Variants in FILIP1L observed in about 807,000 individuals in gnomAD.
The protein encoded by FILIP1L is filamin A-interacting protein 1-like.
Under a neutral mutation model 96.6 loss-of-function variants are expected in FILIP1L, and 55 were observed. That is an observed-to-expected ratio of 0.57 (90% CI 0.46 to 0.71). The LOEUF (loss-of-function observed/expected upper bound fraction) is 0.71, where lower values mean the gene tolerates loss of function less well. Among genes scored for constraint, FILIP1L ranks in the 30% least tolerant of loss-of-function variants. The pLI, the probability that FILIP1L is intolerant of heterozygous loss-of-function variation, is 0.00. For synonymous variants in FILIP1L, 467 were observed against 473.9 expected (o/e 0.99, Z 0.19); for missense variants, 1,304 against 1,321.2 (o/e 0.99, Z 0.20).
chr3:100,087,729 A>G (rs1192222756), intron 1 of FILIP1L, among the ~76,000 whole-genome samples: 1 of 152,098 alleles, frequency 6.6e-6, no homozygotes, highest in African/African-American at 2.4e-5. Context: ...TTTTTGAAGA[A>G]GACCAATTGA....
chr3:100,091,612 G>A (rs1203494556), intron 1 of FILIP1L, among the ~76,000 whole-genome samples: 2 of 152,184 alleles, frequency 1.3e-5, no homozygotes, highest in East Asian at 1.9e-4. Flanking sequence ...CATTACAAAA[G>A]TATAACTAGC....
intron 1 of FILIP1L, among the ~76,000 whole-genome samples, chr3:99,994,570 T>A (rs1463697254): frequency 6.6e-6 from 1 of 152,098 alleles, no homozygotes; most frequent in African/African-American, 2.4e-5. Context: ...TAGAAATCAA[T>A]ACAAGAGGAA....
intron 1 of FILIP1L, among the ~76,000 whole-genome samples, chr3:100,102,505 T>C (rs1259350570): frequency 6.6e-6 from 1 of 152,224 alleles, no homozygotes; most frequent in Non-Finnish European, 1.5e-5. Context: ...CTCTCTTTTC[T>C]TCAAATTACT....
chr3:99,848,946 A>G lies in FILIP1L; in HGVS notation c.2730T>C (p.His910=), dbSNP rs781244378. The G allele has an allele frequency of 6.8e-6, 11 of 1,614,142 alleles. 1 individual carries two copies. Among genetic ancestry groups the G allele is most frequent in the South Asian group, 4.4e-5 (4 of 91,074 alleles). The part of the protein sequence containing the change: ...QPLHIKVTPD[H]VQNTATLEIT... ...TTTCAAGAGTGGCTGTGTTTTGTAC[A>G]TGGTCTGGAGTAACCTTTATATGAA... is the stretch of plus-strand genomic sequence containing the variant. The change falls in exon 5 of 6, where the codon CAT becomes CAC. Residue 910 remains histidine (H), a synonymous_variant. Coordinates refer to ENST00000477258, the MANE Select transcript of FILIP1L (RefSeq NM_001387850.1).
At chr3:99,940,535 G>T (rs1707820403) in intron 1 of FILIP1L, among the ~76,000 whole-genome samples, 1 of 152,304 alleles carries the variant, frequency 6.6e-6, no homozygotes, top group African/African-American at 2.4e-5. Flanking sequence ...TGTGCCTATG[G>T]TCATGCCCTG....
chr3:100,052,426 A>G (rs1293975229), intron 1 of FILIP1L, among the ~76,000 whole-genome samples: 1 of 152,184 alleles, frequency 6.6e-6, no homozygotes, highest in Non-Finnish European at 1.5e-5. Context: ...GTAGTGGTGT[A>G]TCCGTGTGCA....
chr3:99,943,145 A>G (rs889784000), intron 1 of FILIP1L, among the ~76,000 whole-genome samples: 16 of 152,158 alleles, frequency 1.1e-4, no homozygotes, highest in Admixed American at 3.9e-4. Context: ...ATTTCTGATA[A>G]CAAGAACAGG....
At chr3:99,975,874 C>T (rs1198920581) in intron 1 of FILIP1L, among the ~76,000 whole-genome samples, 1 of 152,126 alleles carries the variant, frequency 6.6e-6, no homozygotes, top group African/African-American at 2.4e-5. Flanking sequence ...AGCAAGCAAA[C>T]AGTAATAAAA....
intron 1 of FILIP1L, among the ~76,000 whole-genome samples, chr3:100,109,418 A>G (rs2066450818): frequency 6.6e-6 from 1 of 152,208 alleles, no homozygotes; most frequent in Non-Finnish European, 1.5e-5. Context: ...AACCACCATT[A>G]TAGTCAAGAC....
chr3:100,098,803 C>T (rs561131150), intron 1 of FILIP1L, among the ~76,000 whole-genome samples: 2 of 152,122 alleles, frequency 1.3e-5, no homozygotes, highest in Non-Finnish European at 2.9e-5. Flanking sequence ...CTTTCTTAAA[C>T]TAGGAAAATA....
chr3:100,103,683 G>A (rs918165050), intron 1 of FILIP1L, among the ~76,000 whole-genome samples: 1 of 152,266 alleles, frequency 6.6e-6, no homozygotes, highest in Admixed American at 6.5e-5. Context: ...GCCATGGAAT[G>A]GTCTCTTCCA....
chr3:99,833,009 T>C, intron 5 of FILIP1L: 1 of 526,766 alleles, frequency 1.9e-6, no homozygotes, highest in East Asian at 3.3e-5. Flanking sequence ...TTGGAATGCA[T>C]ATTGCAAGAG....
At chr3:99,871,674 C>T (rs533978569) in intron 4 of FILIP1L, among the ~76,000 whole-genome samples, 20 of 152,154 alleles carry the variant, frequency 1.3e-4, no homozygotes, top group African/African-American at 4.8e-4. Context: ...CTGCTAGCTG[C>T]GGACGTCTGA....
chr3:100,098,295 C>G (rs1372863227), intron 1 of FILIP1L, among the ~76,000 whole-genome samples: 1 of 152,218 alleles, frequency 6.6e-6, no homozygotes, highest in Admixed American at 6.5e-5. Context: ...GAAACAAGCA[C>G]TGTGTTTTAG....
At chr3:100,033,715 T>A (rs552934025) in intron 1 of FILIP1L, among the ~76,000 whole-genome samples, 49 of 151,706 alleles carry the variant, frequency 3.2e-4, no homozygotes, top group South Asian at 6.2e-4. Context: ...GAATTGATTT[T>A]AAAAAAAAAC....
intron 4 of FILIP1L, among the ~76,000 whole-genome samples, chr3:99,913,743 G>T (rs1706866221): frequency 1.3e-5 from 2 of 152,314 alleles, no homozygotes; most frequent in African/African-American, 4.8e-5. Flanking sequence ...GCGTGACCCT[G>T]AAGCATATAT....
chr3:100,085,767 C>G (rs2065999587), intron 1 of FILIP1L, among the ~76,000 whole-genome samples: 1 of 152,180 alleles, frequency 6.6e-6, no homozygotes, highest in African/African-American at 2.4e-5. Flanking sequence ...GATGATGACC[C>G]CCTCCTAAGT....
intron 4 of FILIP1L, among the ~76,000 whole-genome samples, chr3:99,913,971 G>A (rs1331130129): frequency 6.6e-6 from 1 of 152,120 alleles, no homozygotes; most frequent in Non-Finnish European, 1.5e-5. Flanking sequence ...TAAGTAGGGA[G>A]GAAATTTAAA....
At chr3:99,893,692 T>A (rs546315402) in intron 4 of FILIP1L, among the ~76,000 whole-genome samples, 124 of 152,326 alleles carry the variant, frequency 8.1e-4, no homozygotes, top group African/African-American at 2.8e-3. Flanking sequence ...AATCTTCAAT[T>A]GCTTTAATCT....
Sources: allele counts gnomAD v4.1 joint callset (sites outside exome capture counted in the v4.1 genomes callset), GRCh38; gene constraint gnomAD v4.1.1; transcripts MANE v1.5; gene names NCBI Gene and HGNC (gene_info 2026-07-23, HGNC 2026-07-21).